The following SPOCK3 variants were observed in gnomAD, a reference collection of about 807,000 sequenced individuals.
The protein encoded by SPOCK3 is testican-3.
Under a neutral mutation model 56.6 loss-of-function variants are expected in SPOCK3, and 30 were observed. The observed-to-expected ratio is 0.53, with a 90% CI of 0.40 to 0.72. The LOEUF is 0.72. Ranked by LOEUF, SPOCK3 falls within the 30% of genes least tolerant of loss-of-function variation. The probability of loss-of-function intolerance (pLI) is 0.00; values close to 1 mark genes in which losing one functional copy is unlikely to be tolerated. For synonymous variants in SPOCK3, 196 were observed against 183.3 expected (o/e 1.07, Z -0.56); for missense variants, 527 against 530.0 (o/e 0.99, Z 0.06).
intron 2 of SPOCK3, chr4:167,083,138 A>G: frequency 2.6e-6 from 2 of 762,858 alleles, no homozygotes; most frequent in African/African-American, 1.7e-5. Context: ...TTACAGCTTT[A>G]TGGTTGCCCT....
At chr4:167,011,311 G>A (rs1179963557) in intron 3 of SPOCK3, 1 of 455,846 alleles carries the variant, frequency 2.2e-6, no homozygotes, top group Admixed American at 2.4e-5. Flanking sequence ...AGCTGGAAAT[G>A]TCATCAGTTG....
chr4:167,027,748 G>T, intron 3 of SPOCK3, among the ~76,000 whole-genome samples: 1 of 152,118 alleles, frequency 6.6e-6, no homozygotes, highest in Non-Finnish European at 1.5e-5. Context: ...TATTCATTAA[G>T]TGGAAGTGGA....
At chr4:167,121,637 A>C (rs1198928692) in intron 2 of SPOCK3, among the ~76,000 whole-genome samples, 1 of 152,112 alleles carries the variant, frequency 6.6e-6, no homozygotes, top group Non-Finnish European at 1.5e-5. Flanking sequence ...TGCATAACAA[A>C]ATTTTATACT....
chr4:166,860,964 C>T (rs1265824885), intron 6 of SPOCK3, among the ~76,000 whole-genome samples: 2 of 151,618 alleles, frequency 1.3e-5, no homozygotes, highest in Non-Finnish European at 2.9e-5. Context: ...TTGGGTACCA[C>T]TGCACATAAA....
chr4:166,914,720 AGATC>A (rs1737659641), intron 4 of SPOCK3, among the ~76,000 whole-genome samples: 3 of 152,208 alleles, frequency 2.0e-5, no homozygotes, highest in Non-Finnish European at 4.4e-5. Context: ...CCATGAGTCA[AGATC>A]ACACCACTGC....
At chr4:166,811,442 C>T (rs1743784951) in intron 6 of SPOCK3, among the ~76,000 whole-genome samples, 1 of 150,978 alleles carries the variant, frequency 6.6e-6, no homozygotes, top group Non-Finnish European at 1.5e-5. Flanking sequence ...TTTTTCACTC[C>T]ATTGTGATTT....
intron 3 of SPOCK3, among the ~76,000 whole-genome samples, chr4:167,055,434 G>C (rs1561166634): frequency 6.6e-6 from 1 of 152,144 alleles, no homozygotes; most frequent in Admixed American, 6.5e-5. Flanking sequence ...TCACTAGGGA[G>C]TGCCAGACAG....
intron 2 of SPOCK3, among the ~76,000 whole-genome samples, chr4:167,071,607 A>G (rs1756693395): frequency 7.0e-6 from 1 of 143,788 alleles, no homozygotes; most frequent in African/African-American, 2.7e-5. Context: ...TCCATGGTGT[A>G]TATGTGCCAC....
intron 3 of SPOCK3, among the ~76,000 whole-genome samples, chr4:167,042,741 A>C (rs1368473732): frequency 6.6e-6 from 1 of 152,156 alleles, no homozygotes; most frequent in Non-Finnish European, 1.5e-5. Context: ...AAAATGATCA[A>C]GTGTTTCTGA....
At chr4:167,023,090 G>GT (rs1166030915) in intron 3 of SPOCK3, among the ~76,000 whole-genome samples, 1 of 151,918 alleles carries the variant, frequency 6.6e-6, no homozygotes, top group Non-Finnish European at 1.5e-5. Context: ...TGGCTAAATG[G>GT]TTTTTCACTT....
intron 4 of SPOCK3, among the ~76,000 whole-genome samples, chr4:166,921,309 C>T (rs1208467387): frequency 1.3e-5 from 2 of 150,782 alleles, no homozygotes; most frequent in Non-Finnish European, 1.5e-5. Flanking sequence ...AGTATACTTT[C>T]AAACATGTGT....
At chr4:167,233,427 C>T (rs185185890) in intron 2 of SPOCK3, among the ~76,000 whole-genome samples, 1 of 152,304 alleles carries the variant, frequency 6.6e-6, no homozygotes, top group Admixed American at 6.5e-5. Context: ...AGATTAAAGT[C>T]ATGTCGAAGC....
At chr4:167,117,045 A>C (rs1761487795) in intron 2 of SPOCK3, among the ~76,000 whole-genome samples, 1 of 150,940 alleles carries the variant, frequency 6.6e-6, no homozygotes, top group South Asian at 2.1e-4. Context: ...GTTGCCTTCA[A>C]CACTGGGGCC....
chr4:166,839,355 C>T (rs1232175346), intron 6 of SPOCK3, among the ~76,000 whole-genome samples: 2 of 152,064 alleles, frequency 1.3e-5, no homozygotes, highest in East Asian at 3.9e-4. Flanking sequence ...GCTAAAATTA[C>T]CTCCACTGAC....
intron 4 of SPOCK3, among the ~76,000 whole-genome samples, chr4:166,949,821 T>C (rs1742296826): frequency 6.6e-6 from 1 of 152,096 alleles, no homozygotes; most frequent in Non-Finnish European, 1.5e-5. Flanking sequence ...CAGAATTTCA[T>C]ATCCAGCCAA....
chr4:166,913,563 C>T (rs937118401), intron 4 of SPOCK3, among the ~76,000 whole-genome samples: 2 of 152,092 alleles, frequency 1.3e-5, no homozygotes, highest in African/African-American at 4.8e-5. Flanking sequence ...TAATTTGATG[C>T]CTATGTCAGG....
At chr4:167,159,003 A>G (rs1765052180) in intron 2 of SPOCK3, among the ~76,000 whole-genome samples, 1 of 151,966 alleles carries the variant, frequency 6.6e-6, no homozygotes, top group East Asian at 1.9e-4. Context: ...AAAAGCAAAC[A>G]TCTTACTTGA....
At chr4:167,105,474 A>AC (rs1554036695) in intron 2 of SPOCK3, among the ~76,000 whole-genome samples, 35 of 150,648 alleles carry the variant, frequency 2.3e-4, no homozygotes, top group African/African-American at 7.7e-4. Flanking sequence ...AAAAAAAAAA[A>AC]AAAAAACGAA....
rs183678907 is a variant in SPOCK3 at position 167,105,776 on chromosome 4, T to G, written c.190-43239A>C. ...CTTTACCTGTAAAGACACATATAGA[T>G]TGAAGATAAAGGGGTGAAAAAAGAT... On this transcript the variant is annotated intron_variant, in intron 2 of 10. Coordinates refer to ENST00000357545, the MANE Select transcript of SPOCK3 (RefSeq NM_001040159.2). Among the ~76,000 whole-genome samples the G allele has an allele frequency of 4.0e-5, 6 of 151,488 alleles. 1 individual carries two copies. The East Asian group carries it at 1.2e-3, about 29-fold the overall frequency.
Sources: gnomAD v4.1 joint callset for allele counts (sites outside exome capture counted in the v4.1 genomes callset) on GRCh38, gnomAD v4.1.1 for gene constraint, MANE v1.5 for transcripts, NCBI Gene and HGNC (gene_info 2026-07-23, HGNC 2026-07-21) for gene names.